The following DYNC2LI1 variants were observed in gnomAD, a reference collection of about 807,000 sequenced individuals.
DYNC2LI1 encodes cytoplasmic dynein 2 light intermediate chain 1.
A neutral mutation model predicts 51.9 loss-of-function variants in DYNC2LI1; 45 were observed. That is an observed-to-expected ratio of 0.87 (90% CI 0.68 to 1.11). DYNC2LI1 has a LOEUF of 1.11. DYNC2LI1 is among the 50% of genes most tolerant of loss of function. DYNC2LI1 has a pLI of 0.00. For synonymous variants in DYNC2LI1, 130 were observed against 137.8 expected (o/e 0.94, Z 0.40); for missense variants, 490 against 417.4 (o/e 1.17, Z -1.51).
chr2:43,775,003 C>T (rs1407044540), intron 1 of DYNC2LI1, among the ~76,000 whole-genome samples: 2 of 151,314 alleles, frequency 1.3e-5, no homozygotes, highest in Non-Finnish European at 2.9e-5. Context: ...TTTAAGGACT[C>T]CTGTTTTGAC....
the DYNC2LI1 span, among the ~76,000 whole-genome samples, chr2:43,818,492 A>C: frequency 6.6e-6 from 1 of 152,174 alleles, no homozygotes; most frequent in African/African-American, 2.4e-5. Context: ...AACGAGTATC[A>C]CTTTCTCAAA....
At chr2:43,814,505 A>G, downstream of DYNC2LI1, 1 of 1,608,032 alleles carries the variant, frequency 6.2e-7, no homozygotes, top group Non-Finnish European at 8.5e-7. Context: ...CGTAGAACTC[A>G]TTGACTACAA....
chr2:43,780,743 G>A (rs894973442), intron 2 of DYNC2LI1, among the ~76,000 whole-genome samples: 13 of 152,098 alleles, frequency 8.5e-5, no homozygotes, highest in African/African-American at 2.9e-4. Flanking sequence ...CAGATTAAGG[G>A]ATGTTTACAG....
At chr2:43,776,956 CT>C in intron 2 of DYNC2LI1, 57 bp downstream of exon 2, 1 of 886,114 alleles carries the variant, frequency 1.1e-6, no homozygotes, top group Non-Finnish European at 1.8e-6. Context: ...GGTAAAATAT[CT>C]GTTAATACTT....
intron 5 of DYNC2LI1, chr2:43,793,039 C>T (rs1423574990): frequency 1.6e-5 from 5 of 318,112 alleles, no homozygotes; most frequent in Non-Finnish European, 2.8e-5. Context: ...GCTGGATCAT[C>T]TGGTAATTCT....
At chr2:43,822,984 A>C in the DYNC2LI1 span, 2 of 1,608,092 alleles carry the variant, frequency 1.2e-6, no homozygotes, top group Non-Finnish European at 1.7e-6. Context: ...ACCCAGCTGA[A>C]AAAGGGAGGG....
chr2:43,828,070 G>A, the DYNC2LI1 span: 29 of 1,614,048 alleles, frequency 1.8e-5, no homozygotes, highest in East Asian at 2.2e-5. Context: ...CCAATCAGTC[G>A]GTCTGCCACA....
chr2:43,778,845 G>T (rs567007994), intron 2 of DYNC2LI1, among the ~76,000 whole-genome samples: 1 of 152,030 alleles, frequency 6.6e-6, no homozygotes, highest in South Asian at 2.1e-4. Flanking sequence ...TTTTCTTGAT[G>T]GCAATATGTG....
intron 9 of DYNC2LI1, 31 bp from the exon 10 acceptor site, chr2:43,801,608 C>G (rs1666080418): frequency 1.3e-6 from 2 of 1,558,292 alleles, no homozygotes; most frequent in East Asian, 2.3e-5. Context: ...AATTGCTAAA[C>G]TAATTTAGAA....
Position 43,800,874 on chromosome 2 carries a change from A to C in DYNC2LI1, c.688A>C (p.Ile230Leu). 4 of 1,601,980 alleles carry C rather than the reference A, an allele frequency of 2.5e-6. No homozygotes were observed. The highest frequency in any genetic ancestry group is 3.4e-6 in the Non-Finnish European group (4 of 1,173,266). Reference protein sequence around the residue: ...TSKSEALLLKIRGVINQLAFG... With the variant: ...TSKSEALLLKLRGVINQLAFG... The stretch of plus-strand genomic sequence containing the variant: ...TAAATCAGAAGCTCTATTACTAAAA[A>C]TACGTGGAGTTATCAACCAGTTGGC... The change falls in exon 9 of 13, where the codon ATA becomes CTA. Residue 230 changes from isoleucine (I) to leucine (L), a missense_variant. By Grantham distance (5) the Ile-to-Leu change is conservative. Coordinates refer to ENST00000260605, the MANE Select transcript of DYNC2LI1 (RefSeq NM_016008.4).
chr2:43,794,759 A>G (rs766353351), intron 6 of DYNC2LI1, 116 bp downstream of exon 6: 1 of 1,572,386 alleles, frequency 6.4e-7, no homozygotes, highest in Non-Finnish European at 8.6e-7. Context: ...TTTGATGTAG[A>G]TGAACCTGTT....
At chr2:43,785,461 C>A (rs1673481594) in intron 3 of DYNC2LI1, among the ~76,000 whole-genome samples, 2 of 151,910 alleles carry the variant, frequency 1.3e-5, no homozygotes, top group Non-Finnish European at 2.9e-5. Flanking sequence ...GGGGTGGGTG[C>A]AGTGGCTCAC....
intron 1 of DYNC2LI1, chr2:43,775,593 G>T (rs1214787264): frequency 1.5e-5 from 4 of 271,534 alleles, no homozygotes; most frequent in African/African-American, 2.4e-5. Context: ...GACCTCCAGG[G>T]CTCAGGCAAT....
chr2:43,778,065 T>C (rs563828800), intron 2 of DYNC2LI1, among the ~76,000 whole-genome samples: 82 of 152,360 alleles, frequency 5.4e-4, no homozygotes, highest in South Asian at 1.4e-3. Flanking sequence ...TTGGCCCACT[T>C]TTTAAAATTC....
chr2:43,826,974 A>G, the DYNC2LI1 span, among the ~76,000 whole-genome samples: 1 of 152,230 alleles, frequency 6.6e-6, no homozygotes, highest in South Asian at 2.1e-4. Context: ...CAAGGCCTGA[A>G]GTGTGGCAGG....
downstream of DYNC2LI1, chr2:43,813,110 C>G (rs1666566177): frequency 9.0e-7 from 1 of 1,111,116 alleles, no homozygotes; most frequent in Non-Finnish European, 1.4e-6. Flanking sequence ...CCAGCCATGG[C>G]TTTCACTACC....
the DYNC2LI1 span, chr2:43,824,727 C>T: frequency 1.1e-6 from 1 of 923,188 alleles, no homozygotes; most frequent in Non-Finnish European, 1.3e-6. Context: ...ATAGTCATCT[C>T]TGGCAAGTTC....
chr2:43,798,125 A>T (rs909882267), intron 8 of DYNC2LI1, among the ~76,000 whole-genome samples: 2 of 151,832 alleles, frequency 1.3e-5, no homozygotes, highest in Admixed American at 6.6e-5. Flanking sequence ...AAAAAAAAAA[A>T]TTTCCTTTAC....
At chr2:43,792,710 A>G (rs1331715113) in intron 5 of DYNC2LI1, 20 of 1,548,314 alleles carry the variant, frequency 1.3e-5, no homozygotes, top group Admixed American at 2.0e-5. Context: ...GCCTGTCTCT[A>G]TGAATTTGAC....
Sources: gnomAD v4.1 joint callset for allele counts (sites outside exome capture counted in the v4.1 genomes callset) on GRCh38, gnomAD v4.1.1 for gene constraint, MANE v1.5 for transcripts, NCBI Gene and HGNC (gene_info 2026-07-23, HGNC 2026-07-21) for gene names.